TNXB: variants seen among roughly 807,000 people sequenced by gnomAD.
TNXB encodes the protein tenascin-X.
Under a neutral mutation model 340.5 loss-of-function variants are expected in TNXB, and 183 were observed. The ratio of observed to expected loss-of-function variants is 0.54; its 90% CI spans 0.48 to 0.61. The LOEUF is 0.61. Among genes scored for constraint, TNXB ranks in the 20% least tolerant of loss-of-function variants. The pLI is 0.00. For synonymous variants in TNXB, 2,121 were observed against 2,314.5 expected, an observed-to-expected ratio of 0.92 and a Z score of 2.40; for missense variants, 4,613 against 5,446.4, an observed-to-expected ratio of 0.85 and a Z score of 4.82.
In TNXB at chr6:32,071,979, G is replaced by A. The variant is rs1778797307; in HGVS notation, c.4990+11C>T. 6.3e-7 allele frequency: 1 copy of A among 1,584,234 alleles called. No individual in the cohort carries two copies. Among genetic ancestry groups the A allele is most frequent in the Non-Finnish European group, 8.6e-7 (1 of 1,163,334 alleles). ...TGGCCTCAGGCTCAGCTGTGTAGGG[G>A]CCCATCTCACCCGTCTTTGCCTCCA... On this transcript the variant is annotated intron_variant, in intron 13 of 43. Transcript: ENST00000644971.
rs1376530498 is a variant in TNXB at position 32,081,585 on chromosome 6, G to A, written c.3825C>T (p.Asp1275=). The part of the protein sequence containing the change: ...GELTVTGVTP[D]SLRLSWTVAQ... ...CCACTGTCCATGAGAGACGCAAGGA[G>A]TCTGGGGTCACGCCGGTCACTGTCA... The change falls in exon 10 of 44, where the codon GAC becomes GAT. Residue 1275 remains aspartate, a synonymous_variant. Transcript: ENST00000644971. This position sits in a 1 kb window ranked among gnomAD's most constrained non-coding sequence, Gnocchi z 5.1. The A allele has an allele frequency of 4.4e-6, 7 of 1,603,356 alleles. No individual in the cohort carries two copies. Among genetic ancestry groups the A allele is most frequent in the Non-Finnish European group, 5.1e-6 (6 of 1,175,536 alleles).
Position 32,068,882 on chromosome 6 carries a change from T to A in TNXB, c.5842A>T (p.Thr1948Ser). Reference protein sequence around the residue: ...GLESDHRYLVTLYGFSDGKHV... With the variant: ...GLESDHRYLVSLYGFSDGKHV... ...TTCCCATCACTGAAACCATACAGGGTCACCAGGTATCTGTGGTCGGATTCC... is the reference window on the plus strand; with the variant it reads ...TTCCCATCACTGAAACCATACAGGGACACCAGGTATCTGTGGTCGGATTCC... The change falls in exon 16 of 44, where the codon ACC becomes TCC. Residue 1948 changes from threonine (T) to serine (S), a missense_variant. Thr to Ser is a moderately conservative substitution (Grantham distance 58, BLOSUM62 1). This residue lies in a region of TNXB where 4,327 missense variants were observed against 4,859.4 expected (regional missense o/e 0.89). Transcript: ENST00000644971. This position sits in a 1 kb window ranked among gnomAD's most constrained non-coding sequence, Gnocchi z 5.3. The A allele has an allele frequency of 6.2e-7, 1 of 1,612,704 alleles. No individual in the cohort carries two copies. The highest frequency in any genetic ancestry group is 8.5e-7 in the Non-Finnish European group (1 of 1,179,794).
At position 32,067,834 on chromosome 6, in the gene TNXB, G is replaced by T; in HGVS notation, c.6371C>A (p.Ser2124Tyr). Residue 2124 changes from serine (S) to tyrosine (Y), a missense_variant, in exon 18 of 44, where the codon TCC (serine) becomes TAC (tyrosine). By Grantham distance (144) the Ser-to-Tyr change is moderately radical (BLOSUM62 -2). Coordinates refer to ENST00000644971, the MANE Select transcript of TNXB (RefSeq NM_001365276.2). This position sits in a 1 kb window ranked among gnomAD's most constrained non-coding sequence, Gnocchi z 4.2. Reference protein sequence around the residue: ...SWTVPQGRFDSFTVQYKDRDG... With the variant: ...SWTVPQGRFDYFTVQYKDRDG... ...CCTGTCCTTGTACTGCACGGTGAAG[G>T]AGTCGAAGCGGCCCTGGGGGACGGT... 1 of 1,613,170 alleles carries T rather than the reference G, an allele frequency of 6.2e-7. No homozygotes were observed. The highest frequency in any genetic ancestry group is 1.3e-5 in the African/African-American group (1 of 75,014).
rs772275214 is a variant in TNXB at position 32,050,174 on chromosome 6, T to A, written c.9263A>T (p.Asp3088Val). ...ATTCCTGTACTGGACCAGGAAGTGG[T>A]CAAACTGGCCCTCGGGAACCATCCA... ...LSWMVPEGQF[D>V]HFLVQYRNGD... The change falls in exon 27 of 44, where the codon GAC becomes GTC. Residue 3088 changes from aspartate to valine, a missense_variant. Asp to Val is a radical substitution (Grantham distance 152, BLOSUM62 -3). Transcript: ENST00000644971. 7 of 1,613,648 alleles carry A rather than the reference T, an allele frequency of 4.3e-6. No individual in the cohort carries two copies. The East Asian group carries it at 1.6e-4, about 36-fold the overall frequency.
rs1343698523 is a variant in TNXB at position 32,096,184 on chromosome 6, G to T, written c.1669C>A (p.Arg557Ser). 6.4e-7 allele frequency: 1 copy of T among 1,568,506 alleles called. No individual in the cohort carries two copies. Among genetic ancestry groups the T allele is most frequent in the South Asian group, 1.2e-5 (1 of 85,916 alleles). Residue 557 changes from arginine to serine, a missense_variant, in exon 3 of 44, where the codon CGC becomes AGC. This residue lies in a region of TNXB where 4,327 missense variants were observed against 4,859.4 expected (regional missense o/e 0.89). Transcript: ENST00000644971. ...CCTCGGCAGCCCCCGGGGCAGCTGCGCGTGCTGCAGTCTTCCCCTGAGTAG... is the reference window on the plus strand; with the variant it reads ...CCTCGGCAGCCCCCGGGGCAGCTGCTCGTGCTGCAGTCTTCCCCTGAGTAG... ...AGYSGEDCST[R>S]SCPGGCRGRG...
intron 25 of TNXB, 53 bp downstream of exon 25, chr6:32,053,335 G>A (rs1777409558): frequency 6.3e-7 from 1 of 1,579,786 alleles, no homozygotes; most frequent in Non-Finnish European, 8.6e-7. Context: ...CATCACCAGA[G>A]AAAGGGAGAC....
At chr6:32,060,534 T>C (rs954966780) in intron 21 of TNXB, among the ~76,000 whole-genome samples, 2 of 151,956 alleles carry the variant, frequency 1.3e-5, no homozygotes, top group Non-Finnish European at 2.9e-5. Flanking sequence ...AATATTCTAT[T>C]CTATCTAACA....
rs760587998 is a variant in TNXB at position 32,081,739 on chromosome 6, C to T, written c.3737-66G>A. On this transcript the variant is annotated intron_variant, in intron 9 of 43. Coordinates refer to ENST00000644971, the MANE Select transcript of TNXB (RefSeq NM_001365276.2). This position sits in a 1 kb window ranked among gnomAD's most constrained non-coding sequence, Gnocchi z 5.1. ...CTGGGACTGGGGCTTGGGGTTTCGA[C>T]GGGATGTCACACCTATGGGGGGTGG... 2.1e-4 allele frequency: 246 copies of T among 1,195,372 alleles called. 1 individual carries two copies. The highest frequency in any genetic ancestry group is 2.7e-4 in the Non-Finnish European group (228 of 858,846). 74.0% of individuals were successfully genotyped at this position (1,195,372 alleles called of 1,614,324 possible).
rs1778224418 is a variant in TNXB, at chr6:32,064,701, T to C, written c.6841+120A>G. The C allele has an allele frequency of 7.3e-7, 1 of 1,378,928 alleles. No individual in the cohort carries two copies. The highest frequency in any genetic ancestry group is 1.4e-5 in the African/African-American group (1 of 69,316). 85.4% of individuals were successfully genotyped at this position (1,378,928 alleles called of 1,614,324 possible). Reference sequence around the variant, plus strand: ...CGGAGTGAAGGCACCAGCAGAACCATTCCCAGGAGCTTGGGAGGCTTGGTC... The same window carrying C: ...CGGAGTGAAGGCACCAGCAGAACCACTCCCAGGAGCTTGGGAGGCTTGGTC... On this transcript the variant is annotated intron_variant, in intron 19 of 43. Transcript: ENST00000644971. The surrounding 1 kb of genome is among the most constrained non-coding windows in gnomAD (Gnocchi z 5.3).
rs1779845212 is a variant in TNXB, at chr6:32,087,366, GC to G, written c.2780-1249del. ...CGGGCAGGCTGACGGTGCGCGTGGT[GC>G]CCGGCACAGTCAGCTCACCGCCGGG... On this transcript the variant is annotated intron_variant, in intron 6 of 43. Transcript: ENST00000644971. This position sits in a 1 kb window ranked among gnomAD's most constrained non-coding sequence, Gnocchi z 9.0. 2.1e-6 allele frequency: 1 copy of G among 475,904 alleles called. No individual in the cohort carries two copies. The highest frequency in any genetic ancestry group is 1.5e-5 in the South Asian group (1 of 66,486). The allele number at this position is 475,904 out of a possible 1,614,324, so 29.5% of individuals were successfully genotyped here.
chr6:32,081,586 T>G lies in TNXB; in HGVS notation c.3824A>C (p.Asp1275Ala). ...CACTGTCCATGAGAGACGCAAGGAG[T>G]CTGGGGTCACGCCGGTCACTGTCAG... ...GELTVTGVTPDSLRLSWTVAQ... is the reference protein window; with the variant it reads ...GELTVTGVTPASLRLSWTVAQ... The change falls in exon 10 of 44, where the codon GAC becomes GCC. Residue 1275 changes from aspartate to alanine, a missense_variant. Transcript: ENST00000644971. This position sits in a 1 kb window ranked among gnomAD's most constrained non-coding sequence, Gnocchi z 5.1. The G allele has an allele frequency of 6.2e-7, 1 of 1,602,410 alleles. No homozygotes were observed. The highest frequency in any genetic ancestry group is 2.2e-5 in the East Asian group (1 of 44,666).
Position 32,084,652 on chromosome 6 carries a change from G to T in TNXB, c.3206C>A (p.Thr1069Lys), listed in dbSNP as rs755472309. 1 of 1,597,174 alleles carries T rather than the reference G, an allele frequency of 6.3e-7. No individual in the cohort carries two copies. The highest frequency in any genetic ancestry group is 1.7e-5 in the Admixed American group (1 of 59,492). ...SSGPPRLGEL[T>K]VTDRTSDSLL... Reference sequence around the variant, plus strand: ...GGAGTCGGAGGTCCTGTCTGTCACCGTCAGCTCACCCAGGCGTGGTGGGCC... The same window carrying T: ...GGAGTCGGAGGTCCTGTCTGTCACCTTCAGCTCACCCAGGCGTGGTGGGCC... The change falls in exon 8 of 44, where the codon ACG becomes AAG. Residue 1069 changes from threonine to lysine, a missense_variant. Thr to Lys is a moderately conservative substitution (Grantham distance 78). This residue lies in a region of TNXB where 4,327 missense variants were observed against 4,859.4 expected (regional missense o/e 0.89). Coordinates refer to ENST00000644971, the MANE Select transcript of TNXB (RefSeq NM_001365276.2). This position sits in a 1 kb window ranked among gnomAD's most constrained non-coding sequence, Gnocchi z 5.5.
chr6:32,076,403 G>A (rs9380278), intron 11 of TNXB, among the ~76,000 whole-genome samples: 1 of 152,188 alleles, frequency 6.6e-6, no homozygotes, highest in African/African-American at 2.4e-5. Context: ...CAGCTGCTTC[G>A]TCCTTTTGCT....
At chr6:32,043,986 A>G (rs1776648249) in intron 34 of TNXB, 21 bp downstream of exon 34, 4 of 1,605,182 alleles carry the variant, frequency 2.5e-6, no homozygotes, top group Non-Finnish European at 3.4e-6. Context: ...CGAGGCGATG[A>G]GCACATGGCA....
Position 32,051,213 on chromosome 6 carries a change from G to C in TNXB, c.9116-892C>G, listed in dbSNP as rs1777265716. ...ACTGTCCCCTGAGTATCCACAGGTA[G>C]GGTGGTTTAGGTATTCCTGCCTGGC... On this transcript the variant is annotated intron_variant, in intron 26 of 43. Coordinates refer to ENST00000644971, the MANE Select transcript of TNXB (RefSeq NM_001365276.2). The surrounding 1 kb of genome is among the most constrained non-coding windows in gnomAD (Gnocchi z 4.7). 6.6e-6 allele frequency among the ~76,000 whole-genome samples: 1 copy of C among 152,204 alleles called. No individual in the cohort carries two copies. The highest frequency in any genetic ancestry group is 2.4e-5 in the African/African-American group (1 of 41,456).
At chr6:32,093,668 G>A (rs1030005684) in intron 4 of TNXB, among the ~76,000 whole-genome samples, 2 of 152,136 alleles carry the variant, frequency 1.3e-5, no homozygotes, top group East Asian at 3.8e-4. Context: ...GAGTTGGATG[G>A]TAGAAATGTC....
At position 32,052,959 on chromosome 6, in the gene TNXB, G is replaced by A. The variant is rs1777389419; in HGVS notation, c.8826C>T (p.Pro2942=). The A allele has an allele frequency of 1.2e-6, 2 of 1,612,306 alleles. No individual in the cohort carries two copies. The highest frequency in any genetic ancestry group is 1.3e-5 in the African/African-American group (1 of 75,046). Residue 2942 remains proline (P), a synonymous_variant, in exon 26 of 44, where the codon CCC becomes CCT. Coordinates refer to ENST00000644971, the MANE Select transcript of TNXB (RefSeq NM_001365276.2). The surrounding 1 kb of genome is among the most constrained non-coding windows in gnomAD (Gnocchi z 4.7). ...AEEETPAPTE[P]STEAPEPPEE... Reference sequence around the variant, plus strand: ...CAGGGGGCTCCGGGGCCTCCGTGCTGGGTTCTGTGGGGGCGGGAGTTTCTT... The same window carrying A: ...CAGGGGGCTCCGGGGCCTCCGTGCTAGGTTCTGTGGGGGCGGGAGTTTCTT...
rs1357029266 is a variant in TNXB at position 32,056,751 on chromosome 6, C to T, written c.7978G>A (p.Val2660Ile). The T allele has an allele frequency of 1.2e-6, 2 of 1,613,216 alleles. No homozygotes were observed. The highest frequency in any genetic ancestry group is 1.3e-5 in the African/African-American group (1 of 74,920). ...TGCCCATCCCCATTCCTGTACTGGA[C>T]CAGGAAGTGGTCAAACTGGCCCTCG... ...VPEGQFDHFL[V>I]QYRNGDGQPK... Residue 2660 changes from valine to isoleucine, a missense_variant, in exon 23 of 44, where the codon GTC becomes ATC. By Grantham distance (29) the Val-to-Ile change is conservative. Around this residue, in one of 7 missense-constraint regions of TNXB, gnomAD observed 4,327 missense variants for 4,859.4 expected, o/e 0.89. Coordinates refer to ENST00000644971, the MANE Select transcript of TNXB (RefSeq NM_001365276.2).
rs1394999130 is a variant in TNXB, at chr6:32,108,740, C to T, written c.-9+441G>A. On this transcript the variant is annotated intron_variant, in intron 1 of 43. Coordinates refer to ENST00000644971, the MANE Select transcript of TNXB (RefSeq NM_001365276.2). This position sits in a 1 kb window ranked among gnomAD's most constrained non-coding sequence, Gnocchi z 4.8. Reference sequence around the variant, plus strand: ...AGAGCCTGGGCTCAGCTGCTCTAGCCCGACATTTGGGATTCCGCAAGCACT... The same window carrying T: ...AGAGCCTGGGCTCAGCTGCTCTAGCTCGACATTTGGGATTCCGCAAGCACT... Among the ~76,000 whole-genome samples, 1 of 152,134 alleles carries T rather than the reference C, an allele frequency of 6.6e-6. No individual in the cohort carries two copies. Among genetic ancestry groups the T allele is most frequent in the Non-Finnish European group, 1.5e-5 (1 of 68,026 alleles).
Sources: allele counts gnomAD v4.1 joint callset (sites outside exome capture counted in the v4.1 genomes callset), GRCh38; gene constraint gnomAD v4.1.1; regional missense constraint gnomAD v4.1.1; non-coding constraint Gnocchi (gnomAD v3.1); transcripts MANE v1.5; gene names NCBI Gene and HGNC (gene_info 2026-07-23, HGNC 2026-07-21).